The following BICC1 variants were observed in gnomAD, a reference collection of about 807,000 sequenced individuals.
BICC1 encodes BicC family RNA binding protein 1.
In BICC1, 43 loss-of-function variants were observed where a neutral mutation model predicts 111.0. The ratio of observed to expected loss-of-function variants is 0.39; its 90% confidence interval spans 0.30 to 0.50. The LOEUF (loss-of-function observed/expected upper bound fraction) is 0.50. Ranked by LOEUF, BICC1 falls within the 20% of genes least tolerant of loss-of-function variation. BICC1 has a pLI of 0.88. For synonymous variants in BICC1, 467 were observed against 434.4 expected, an observed-to-expected ratio of 1.07 and a Z score of -0.93; for missense variants, 1,091 against 1,203.2, an observed-to-expected ratio of 0.91 and a Z score of 1.38.
chr10:58,549,639 T>G (rs1036689983), intron 1 of BICC1, among the ~76,000 whole-genome samples: 1 of 152,008 alleles, frequency 6.6e-6, no homozygotes, highest in Non-Finnish European at 1.5e-5. Context: ...GGCCCTTTTT[T>G]TTGTTGTTGT....
intron 3 of BICC1, among the ~76,000 whole-genome samples, chr10:58,742,984 G>A (rs1432672702): frequency 1.3e-5 from 2 of 152,150 alleles, no homozygotes; most frequent in Non-Finnish European, 2.9e-5. Flanking sequence ...TGGTAGGCAT[G>A]AAGTAAATGT....
At chr10:58,737,687 A>G (rs982728494) in intron 3 of BICC1, among the ~76,000 whole-genome samples, 31 of 152,146 alleles carry the variant, frequency 2.0e-4, no homozygotes, top group African/African-American at 6.8e-4. Context: ...GTCTTCCACA[A>G]TGGTCGAACT....
chr10:58,626,389 A>G (rs1837624687), intron 2 of BICC1, among the ~76,000 whole-genome samples: 1 of 152,216 alleles, frequency 6.6e-6, no homozygotes, highest in Non-Finnish European at 1.5e-5. Context: ...GGCTGCTTGT[A>G]AGACTTAGAA....
At chr10:58,742,431 ATTTTTT>A (rs554670544) in intron 3 of BICC1, among the ~76,000 whole-genome samples, 2 of 94,164 alleles carry the variant, frequency 2.1e-5, no homozygotes, top group Non-Finnish European at 3.9e-5. Flanking sequence ...GTATGCTTTA[ATTTTTT>A]TTTTTTTTTT....
At chr10:58,662,816 C>T (rs538384923) in intron 2 of BICC1, among the ~76,000 whole-genome samples, 4 of 152,024 alleles carry the variant, frequency 2.6e-5, no homozygotes, top group South Asian at 2.1e-4. Context: ...AAAAGTATTG[C>T]GAGTTCTGAA....
At chr10:58,740,930 C>T (rs1351200613) in intron 3 of BICC1, among the ~76,000 whole-genome samples, 1 of 152,204 alleles carries the variant, frequency 6.6e-6, no homozygotes, top group Non-Finnish European at 1.5e-5. Flanking sequence ...CCACATATTT[C>T]ATTAACCGTG....
At chr10:58,619,587 G>T (rs887585738) in intron 1 of BICC1, among the ~76,000 whole-genome samples, 2 of 150,696 alleles carry the variant, frequency 1.3e-5, no homozygotes, top group African/African-American at 2.4e-5. Flanking sequence ...CAATTCTCCT[G>T]CCTCAGCCTC....
At chr10:58,811,900 C>A (rs763526861) in intron 17 of BICC1, among the ~76,000 whole-genome samples, 11 of 152,070 alleles carry the variant, frequency 7.2e-5, no homozygotes, top group Non-Finnish European at 1.6e-4. Context: ...AGAGTCAGAA[C>A]CAGCCGGTGA....
intron 2 of BICC1, among the ~76,000 whole-genome samples, chr10:58,623,030 C>T (rs540271701): frequency 6.6e-6 from 1 of 152,312 alleles, no homozygotes; most frequent in Admixed American, 6.5e-5. Context: ...ACTTCAGCTA[C>T]TCAACTTTTC....
intron 2 of BICC1, among the ~76,000 whole-genome samples, chr10:58,674,233 C>G (rs1325743997): frequency 6.9e-6 from 1 of 144,180 alleles, no homozygotes; most frequent in East Asian, 2.1e-4. Flanking sequence ...GCACCTCTGA[C>G]CACTCTTTAT....
chr10:58,669,458 A>G (rs774370474), intron 2 of BICC1, among the ~76,000 whole-genome samples: 173 of 152,242 alleles, frequency 1.1e-3, no homozygotes, highest in Non-Finnish European at 1.9e-3. Flanking sequence ...TTATATTTTG[A>G]AGATGAATTT....
intron 19 of BICC1, among the ~76,000 whole-genome samples, chr10:58,819,914 A>C (rs1844205654): frequency 6.6e-6 from 1 of 152,136 alleles, no homozygotes; most frequent in South Asian, 2.1e-4. Context: ...AGCCAAGTGA[A>C]CTGTAGATCT....
intron 3 of BICC1, among the ~76,000 whole-genome samples, chr10:58,780,964 G>A (rs1481912257): frequency 6.6e-6 from 1 of 151,984 alleles, no homozygotes; most frequent in Non-Finnish European, 1.5e-5. Flanking sequence ...ATGTTCAAAG[G>A]TTTAACATTT....
intron 17 of BICC1, among the ~76,000 whole-genome samples, chr10:58,810,872 A>C (rs1843880984): frequency 6.6e-6 from 1 of 152,216 alleles, no homozygotes; most frequent in Non-Finnish European, 1.5e-5. Context: ...ATCTGTAAAA[A>C]GAGCAAGCAT....
intron 2 of BICC1, among the ~76,000 whole-genome samples, chr10:58,665,909 A>T (rs1180044751): frequency 6.6e-6 from 1 of 152,118 alleles, no homozygotes; most frequent in East Asian, 1.9e-4. Flanking sequence ...GCATTTTGAG[A>T]TATTTTCTGT....
intron 8 of BICC1, among the ~76,000 whole-genome samples, chr10:58,792,218 TA>T (rs1166795125): frequency 6.6e-6 from 1 of 151,556 alleles, no homozygotes; most frequent in African/African-American, 2.4e-5. Context: ...ACATTGTTCC[TA>T]GACTCAGTAG....
chr10:58,802,901 C>T (rs1020945621), intron 14 of BICC1, among the ~76,000 whole-genome samples, 176 bp from the exon 15 acceptor site: 1 of 152,118 alleles, frequency 6.6e-6, no homozygotes, highest in African/African-American at 2.4e-5. Flanking sequence ...TTCCTTCATC[C>T]ACAAAGTGGG....
intron 2 of BICC1, among the ~76,000 whole-genome samples, chr10:58,686,315 A>G (rs948665403): frequency 2.0e-5 from 3 of 151,960 alleles, no homozygotes; most frequent in Non-Finnish European, 4.4e-5. Context: ...CTTCATTTCA[A>G]CTTTGGTGAA....
intron 3 of BICC1, among the ~76,000 whole-genome samples, chr10:58,768,018 A>G (rs1842505587): frequency 6.6e-6 from 1 of 152,200 alleles, no homozygotes; most frequent in Non-Finnish European, 1.5e-5. Flanking sequence ...AGAAAAGGGT[A>G]GAAATCTTAC....
Sources: gnomAD v4.1 joint callset for allele counts (sites outside exome capture counted in the v4.1 genomes callset) on GRCh38, gnomAD v4.1.1 for gene constraint, MANE v1.5 for transcripts, NCBI Gene and HGNC (gene_info 2026-07-23, HGNC 2026-07-21) for gene names.